CNTNAP5: variants seen among roughly 807,000 people sequenced by gnomAD.
CNTNAP5 encodes the protein contactin associated protein family member 5, also known as contactin-associated protein-like 5.
Under a neutral mutation model 150.2 loss-of-function variants are expected in CNTNAP5, and 72 were observed. The ratio of observed to expected loss-of-function variants is 0.48; its 90% CI spans 0.40 to 0.58. The LOEUF is 0.58. Among genes scored for constraint, CNTNAP5 ranks in the 20% least tolerant of loss-of-function variants. The probability of loss-of-function intolerance (pLI) is 0.00; values close to 1 mark genes in which losing one functional copy is unlikely to be tolerated. For synonymous variants in CNTNAP5, 672 were observed against 619.8 expected, an observed-to-expected ratio of 1.08 and a Z score of -1.25; for missense variants, 1,636 against 1,626.2, an observed-to-expected ratio of 1.01 and a Z score of -0.10.
intron 13 of CNTNAP5, among the ~76,000 whole-genome samples, chr2:124,736,045 A>G (rs1418082096): frequency 6.6e-6 from 1 of 152,176 alleles, no homozygotes; most frequent in Non-Finnish European, 1.5e-5. Context: ...ACCCTGGCCA[A>G]CATGGTGAAA....
intron 1 of CNTNAP5, among the ~76,000 whole-genome samples, chr2:124,148,546 A>G (rs1032801427): frequency 1.4e-5 from 2 of 146,600 alleles, no homozygotes; most frequent in Admixed American, 6.9e-5. Context: ...TATACATATT[A>G]TATATAATAT....
intron 3 of CNTNAP5, among the ~76,000 whole-genome samples, chr2:124,415,102 GA>G (rs1691883966): frequency 6.6e-6 from 1 of 152,170 alleles, no homozygotes; most frequent in East Asian, 1.9e-4. Context: ...AGGGAAGGAG[GA>G]CAGCTTCATA....
intron 1 of CNTNAP5, among the ~76,000 whole-genome samples, chr2:124,042,709 T>C (rs1187899927): frequency 6.6e-6 from 1 of 152,258 alleles, no homozygotes; most frequent in Admixed American, 6.5e-5. Context: ...CACTGAAGTC[T>C]GTTTATAGTA....
At chr2:124,892,991 C>T (rs576497179) in intron 21 of CNTNAP5, among the ~76,000 whole-genome samples, 7 of 152,074 alleles carry the variant, frequency 4.6e-5, no homozygotes, top group Non-Finnish European at 8.8e-5. Context: ...GTGTTTGACT[C>T]TCTGGGATGG....
chr2:124,741,096 G>A lies in CNTNAP5; in HGVS notation c.2078-6133G>A, dbSNP rs148779346. ...ACTCCTGCAACTTCAAACATTGTAT[G>A]AATAAAAGAAATGAGAACTAAAACT... On this transcript the variant is annotated intron_variant, in intron 13 of 23. Transcript: ENST00000682447. Among the ~76,000 whole-genome samples the A allele has an allele frequency of 3.6e-3, 549 of 152,280 alleles. 3 individuals are homozygous for A. Among genetic ancestry groups the A allele is most frequent in the African/African-American group, 0.012 (518 of 41,538 alleles).
chr2:124,780,138 C>G lies in CNTNAP5; in HGVS notation c.2752+7121C>G, dbSNP rs566767177. The stretch of plus-strand genomic sequence containing the variant: ...TCAGTTATTCCATCTGCCCACTGGG[C>G]TTAATAATAATCAATAGCTTGCAAA... On this transcript the variant is annotated intron_variant, in intron 17 of 23. Transcript: ENST00000682447. Among the ~76,000 whole-genome samples the G allele has an allele frequency of 6.6e-5, 10 of 152,256 alleles. No homozygotes were observed. In the South Asian group the frequency reaches 2.1e-3, roughly 32 times the overall value.
At chr2:124,860,738 GA>G (rs1471372657) in intron 19 of CNTNAP5, among the ~76,000 whole-genome samples, 3 of 152,166 alleles carry the variant, frequency 2.0e-5, no homozygotes, top group Non-Finnish European at 4.4e-5. Context: ...GTACATGTTA[GA>G]ATAAAGGAGA....
chr2:124,377,501 C>T (rs1378618697), intron 3 of CNTNAP5, among the ~76,000 whole-genome samples: 5 of 151,662 alleles, frequency 3.3e-5, no homozygotes, highest in African/African-American at 1.2e-4. Context: ...ATGATGAAAC[C>T]CTATCTCTAC....
At chr2:124,640,401 C>G (rs1308148920) in intron 12 of CNTNAP5, among the ~76,000 whole-genome samples, 2 of 152,154 alleles carry the variant, frequency 1.3e-5, no homozygotes, top group Non-Finnish European at 2.9e-5. Context: ...GGACGGAGCC[C>G]GCCACGCTGC....
chr2:124,464,645 A>G (rs573527693), intron 6 of CNTNAP5, among the ~76,000 whole-genome samples: 9 of 152,300 alleles, frequency 5.9e-5, no homozygotes, highest in South Asian at 4.1e-4. Context: ...CCATCGTCCA[A>G]TTTTGCCTAT....
At chr2:124,869,629 C>T in intron 20 of CNTNAP5, 46 bp from the exon 21 acceptor site, 1 of 1,273,072 alleles carries the variant, frequency 7.9e-7, no homozygotes, top group Non-Finnish European at 1.1e-6. Flanking sequence ...ATGCTTCTTA[C>T]CTGCAGACCT....
At chr2:124,676,966 G>A (rs1158579211) in intron 13 of CNTNAP5, among the ~76,000 whole-genome samples, 2 of 152,214 alleles carry the variant, frequency 1.3e-5, no homozygotes, top group Non-Finnish European at 2.9e-5. Context: ...ACTGGGAAGT[G>A]TGGAGCATCT....
chr2:124,746,291 C>T (rs898142121), intron 13 of CNTNAP5, among the ~76,000 whole-genome samples: 1 of 152,110 alleles, frequency 6.6e-6, no homozygotes, highest in Admixed American at 6.6e-5. Flanking sequence ...TAATTCTAAG[C>T]TACTGAAATA....
In CNTNAP5 at chr2:124,911,454, T is replaced by C. The variant is rs1182062736; in HGVS notation, c.3656-13T>C. Reference sequence around the variant, plus strand: ...AGTGAGAAGTAAAGTCCCATGTCTTTTACTCCTTTCAGATCCTTTTGGGAA... The same window carrying C: ...AGTGAGAAGTAAAGTCCCATGTCTTCTACTCCTTTCAGATCCTTTTGGGAA... On this transcript the variant is annotated splice_polypyrimidine_tract_variant and intron_variant, in intron 22 of 23. Coordinates refer to ENST00000682447, the MANE Select transcript of CNTNAP5 (RefSeq NM_001367498.1). 4 of 1,580,516 alleles carry C rather than the reference T, an allele frequency of 2.5e-6. No individual in the cohort carries two copies. Among genetic ancestry groups the C allele is most frequent in the Non-Finnish European group, 3.4e-6 (4 of 1,160,534 alleles).
intron 5 of CNTNAP5, among the ~76,000 whole-genome samples, chr2:124,446,338 C>T (rs761564507): frequency 6.6e-6 from 1 of 152,134 alleles, no homozygotes; most frequent in African/African-American, 2.4e-5. Context: ...TACTAGCTGT[C>T]TTCCCTTTAC....
chr2:124,617,900 C>T (rs994153608), intron 12 of CNTNAP5, among the ~76,000 whole-genome samples: 1 of 152,030 alleles, frequency 6.6e-6, no homozygotes, highest in Admixed American at 6.6e-5. Flanking sequence ...GCCTCTGAAA[C>T]CTGAATAGGA....
At chr2:124,512,375 AG>A (rs1363485955) in intron 8 of CNTNAP5, among the ~76,000 whole-genome samples, 1 of 151,348 alleles carries the variant, frequency 6.6e-6, no homozygotes, top group East Asian at 2.0e-4. Flanking sequence ...GAAATCCAGA[AG>A]GGTGGGTGGG....
intron 19 of CNTNAP5, among the ~76,000 whole-genome samples, chr2:124,814,595 G>C (rs1357512680): frequency 6.6e-6 from 1 of 151,956 alleles, no homozygotes; most frequent in Non-Finnish European, 1.5e-5. Flanking sequence ...TCAAGCAAAA[G>C]ATCCTTTTTT....
rs146008487 is a variant in CNTNAP5, at chr2:124,879,454, G to A, written c.3436+9692G>A. The stretch of plus-strand genomic sequence containing the variant: ...TCCCAGACTTGGATGAGTATCTCCA[G>A]CTTCCTCTTACAATGTATTTTTCTC... On this transcript the variant is annotated intron_variant, in intron 21 of 23. Coordinates refer to ENST00000682447, the MANE Select transcript of CNTNAP5 (RefSeq NM_001367498.1). Among the ~76,000 whole-genome samples the A allele has an allele frequency of 1.6e-3, 246 of 152,192 alleles. 2 individuals carry two copies. The highest frequency in any genetic ancestry group is 5.8e-3 in the African/African-American group (239 of 41,556).
Sources: gnomAD v4.1 joint callset for allele counts (sites outside exome capture counted in the v4.1 genomes callset) on GRCh38, gnomAD v4.1.1 for gene constraint, MANE v1.5 for transcripts, NCBI Gene and HGNC (gene_info 2026-07-23, HGNC 2026-07-21) for gene names.